DMRT1: variants seen among roughly 807,000 people sequenced by gnomAD.
DMRT1 encodes the protein doublesex- and mab-3-related transcription factor 1.
In DMRT1, 7 loss-of-function variants were observed where a neutral mutation model predicts 32.3. The ratio of observed to expected loss-of-function variants is 0.22; its 90% CI spans 0.12 to 0.41. The LOEUF (loss-of-function observed/expected upper bound fraction) is 0.41. Ranked by LOEUF, DMRT1 falls within the 10% of genes least tolerant of loss-of-function variation. DMRT1 has a pLI of 1.00. For synonymous variants in DMRT1, 278 were observed against 206.1 expected, an observed-to-expected ratio of 1.35 and a Z score of -2.99; for missense variants, 625 against 500.5, an observed-to-expected ratio of 1.25 and a Z score of -2.37.
chr9:879,369 T>C (rs576959476), intron 2 of DMRT1, among the ~76,000 whole-genome samples: 1 of 152,318 alleles, frequency 6.6e-6, no homozygotes, highest in African/African-American at 2.4e-5. Flanking sequence ...CAATAAAAAT[T>C]ACTACATTTT....
chr9:856,725 G>A (rs557176617), intron 2 of DMRT1, among the ~76,000 whole-genome samples: 1 of 152,270 alleles, frequency 6.6e-6, no homozygotes, highest in South Asian at 2.1e-4. Context: ...TTGAATGAAT[G>A]TATGTTTCAT....
At position 942,726 on chromosome 9, in the gene DMRT1, T is replaced by A. The variant is rs193049321; in HGVS notation, c.968-25259T>A. On this transcript the variant is annotated intron_variant, in intron 4 of 4. Transcript: ENST00000382276. ...CATAGTCAGATTTTCCAGAGGTTCG[T>A]TGGTTTTATTGGTGATTTCGTAGCA... Among the ~76,000 whole-genome samples, 32 of 152,318 alleles carry A rather than the reference T, an allele frequency of 2.1e-4. No homozygotes were observed. In the East Asian group the frequency reaches 6.0e-3, roughly 28 times the overall value.
At chr9:896,807 T>A (rs896896302) in intron 3 of DMRT1, among the ~76,000 whole-genome samples, 1 of 151,930 alleles carries the variant, frequency 6.6e-6, no homozygotes, top group Non-Finnish European at 1.5e-5. Flanking sequence ...AGTGAGACTC[T>A]GTCTCAAAAG....
Position 870,334 on chromosome 9 carries a change from G to A in DMRT1, c.538+23191G>A, listed in dbSNP as rs184232836. On this transcript the variant is annotated intron_variant, in intron 2 of 4. Transcript: ENST00000382276. ...GAATCGCTTGAACCTGGGAGGCGGA[G>A]GTTGCAGTGAGCCGAGATCATGCCG... Among the ~76,000 whole-genome samples, 451 of 152,250 alleles carry A rather than the reference G, an allele frequency of 3.0e-3. 1 individual carries two copies. Among genetic ancestry groups the A allele is most frequent in the African/African-American group, 0.011 (439 of 41,554 alleles).
intron 2 of DMRT1, among the ~76,000 whole-genome samples, chr9:849,906 C>G (rs1839067785): frequency 6.6e-6 from 1 of 152,192 alleles, no homozygotes; most frequent in South Asian, 2.1e-4. Context: ...TCACCGCAAC[C>G]TCTGCCTCCC....
chr9:967,928 C>G (rs1819982949), intron 4 of DMRT1, 57 bp from the exon 5 acceptor site: 3 of 1,506,232 alleles, frequency 2.0e-6, no homozygotes, highest in East Asian at 2.5e-5. Flanking sequence ...AGACCAGCCA[C>G]TTTTAACATT....
At chr9:853,332 G>A (rs1333254296) in intron 2 of DMRT1, among the ~76,000 whole-genome samples, 1 of 152,046 alleles carries the variant, frequency 6.6e-6, no homozygotes, top group Admixed American at 6.6e-5. Context: ...ATGTGTAATA[G>A]CTTGTGTCCA....
rs577868945 is a variant in DMRT1, at chr9:884,751, T to C, written c.539-9161T>C. ...TTTGGGAGGCCGAGGCAGGCAGATATTTGAGGTCAGGAGTTCGAGACCAGC... is the reference window on the plus strand; with the variant it reads ...TTTGGGAGGCCGAGGCAGGCAGATACTTGAGGTCAGGAGTTCGAGACCAGC... On this transcript the variant is annotated intron_variant, in intron 2 of 4. Coordinates refer to ENST00000382276, the MANE Select transcript of DMRT1 (RefSeq NM_021951.3). Among the ~76,000 whole-genome samples, 5 of 152,134 alleles carry C rather than the reference T, an allele frequency of 3.3e-5. No individual in the cohort carries two copies. In the South Asian group the frequency reaches 1.0e-3, roughly 32 times the overall value.
intron 4 of DMRT1, among the ~76,000 whole-genome samples, chr9:940,494 A>G (rs779748902): frequency 7.0e-6 from 1 of 142,010 alleles, no homozygotes; most frequent in Non-Finnish European, 1.5e-5. Flanking sequence ...CTGGCTATCC[A>G]CATAAAAAAA....
intron 3 of DMRT1, among the ~76,000 whole-genome samples, chr9:903,452 G>A (rs1306971393): frequency 6.6e-6 from 1 of 152,208 alleles, no homozygotes; most frequent in African/African-American, 2.4e-5. Flanking sequence ...TTTCCTTGAA[G>A]GAATTGCTGT....
chr9:934,223 G>A (rs1202883930), intron 4 of DMRT1, among the ~76,000 whole-genome samples: 1 of 152,178 alleles, frequency 6.6e-6, no homozygotes, highest in Non-Finnish European at 1.5e-5. Context: ...TAGAAGATGT[G>A]CACATATTTT....
chr9:856,207 G>A (rs906871345), intron 2 of DMRT1, among the ~76,000 whole-genome samples: 29 of 152,088 alleles, frequency 1.9e-4, no homozygotes, highest in Non-Finnish European at 2.2e-4. Context: ...GTGAGCCACC[G>A]CGCCCGGTGA....
Position 914,573 on chromosome 9 carries a change from CAAAAAAAAAA to C in DMRT1, c.823-2176_823-2167del, listed in dbSNP as rs34584256. Among the ~76,000 whole-genome samples, 12 of 66,166 alleles carry C rather than the reference CAAAAAAAAAA, an allele frequency of 1.8e-4. No homozygotes were observed. The East Asian group carries it at 1.9e-3, about 10-fold the overall frequency. 43.4% of individuals were successfully genotyped at this position (66,166 alleles called of 152,430 possible). A position where few individuals can be genotyped will look rare whatever the true frequency, so the allele number is the denominator to read the frequency against. On this transcript the variant is annotated intron_variant, in intron 3 of 4. Transcript: ENST00000382276. ...TGGGCGACAGAGTGGGACTCTGTCT[CAAAAAAAAAA>C]AAAAAAAAAAAAAGATTTAATGTAA... is the stretch of plus-strand genomic sequence containing the variant.
chr9:908,608 T>G (rs937961757), intron 3 of DMRT1, among the ~76,000 whole-genome samples: 1 of 152,236 alleles, frequency 6.6e-6, no homozygotes, highest in African/African-American at 2.4e-5. Flanking sequence ...ATGGTTCACC[T>G]TAGGGCTGTT....
intron 4 of DMRT1, among the ~76,000 whole-genome samples, chr9:958,063 C>T (rs781115245): frequency 6.6e-6 from 1 of 152,046 alleles, no homozygotes; most frequent in Non-Finnish European, 1.5e-5. Flanking sequence ...CTTAAATTTT[C>T]ATTAATGCTG....
chr9:888,716 C>T (rs911987752), intron 2 of DMRT1, among the ~76,000 whole-genome samples: 1 of 141,604 alleles, frequency 7.1e-6, no homozygotes, highest in Non-Finnish European at 1.5e-5. Context: ...ATAGTCAGGA[C>T]TGTCACAGCG....
At chr9:868,966 G>C (rs528700005) in intron 2 of DMRT1, among the ~76,000 whole-genome samples, 3 of 152,078 alleles carry the variant, frequency 2.0e-5, no homozygotes, top group Non-Finnish European at 4.4e-5. Context: ...AACCATGATC[G>C]TGCCACCTCA....
At chr9:843,292 C>T (rs1246229982) in intron 1 of DMRT1, among the ~76,000 whole-genome samples, 2 of 152,242 alleles carry the variant, frequency 1.3e-5, no homozygotes, top group Admixed American at 6.5e-5. Flanking sequence ...CTGCAATGGA[C>T]ACAGCGTTGC....
intron 4 of DMRT1, among the ~76,000 whole-genome samples, chr9:931,603 G>T (rs1056673767): frequency 6.6e-6 from 1 of 152,178 alleles, no homozygotes; most frequent in South Asian, 2.1e-4. Flanking sequence ...TTCCGGTAAG[G>T]CTTCTCTCCT....
Sources: gnomAD v4.1 joint callset for allele counts (sites outside exome capture counted in the v4.1 genomes callset) on GRCh38, gnomAD v4.1.1 for gene constraint, MANE v1.5 for transcripts, NCBI Gene and HGNC (gene_info 2026-07-23, HGNC 2026-07-21) for gene names.